CA10: variants seen among roughly 807,000 people sequenced by gnomAD.
CA10 encodes carbonic anhydrase-related protein 10.
CA10 carries 14 observed loss-of-function variants against 44.2 expected under a neutral mutation model. The ratio of observed to expected loss-of-function variants is 0.32; its 90% CI spans 0.21 to 0.50. The LOEUF is 0.50. CA10 is among the 20% of genes least tolerant of loss of function. The pLI is 0.99. For missense variants in CA10, 350 were observed against 409.7 expected (o/e 0.85, Z 1.26); for synonymous variants, 159 against 141.6 (o/e 1.12, Z -0.87).
intron 3 of CA10, among the ~76,000 whole-genome samples, chr17:51,787,518 C>T (rs956042368): frequency 4.6e-5 from 7 of 151,200 alleles, no homozygotes; most frequent in African/African-American, 1.7e-4. Context: ...TTGAGACACC[C>T]TCCTCTCTGT....
chr17:51,826,222 A>C (rs975628483), intron 3 of CA10, among the ~76,000 whole-genome samples: 1 of 152,202 alleles, frequency 6.6e-6, no homozygotes. Flanking sequence ...TGGAAAGTGA[A>C]GCAGCAAGTG....
At chr17:51,975,430 G>A (rs1223451221) in intron 2 of CA10, among the ~76,000 whole-genome samples, 1 of 152,186 alleles carries the variant, frequency 6.6e-6, no homozygotes, top group Admixed American at 6.5e-5. Context: ...TGTAATCCCA[G>A]CACTTTGGGA....
At chr17:51,686,355 C>T (rs1298987802) in intron 4 of CA10, among the ~76,000 whole-genome samples, 3 of 152,120 alleles carry the variant, frequency 2.0e-5, no homozygotes, top group Admixed American at 2.0e-4. Context: ...TACAGGTGCC[C>T]TAGGACTTGG....
intron 3 of CA10, among the ~76,000 whole-genome samples, chr17:51,812,644 A>G (rs1166633770): frequency 1.3e-5 from 2 of 152,246 alleles, no homozygotes; most frequent in Admixed American, 1.3e-4. Context: ...GGAGAAGGAA[A>G]TTAATTATCT....
chr17:51,632,045 T>C (rs1912604258), intron 8 of CA10, among the ~76,000 whole-genome samples: 1 of 152,198 alleles, frequency 6.6e-6, no homozygotes, highest in Non-Finnish European at 1.5e-5. Flanking sequence ...ACAGATCTAA[T>C]CCAGCACAAT....
At chr17:51,987,318 C>T (rs1412810293) in intron 2 of CA10, among the ~76,000 whole-genome samples, 15 of 151,922 alleles carry the variant, frequency 9.9e-5, no homozygotes, top group Admixed American at 7.2e-4. Context: ...TCAGTGGGAG[C>T]TAAGCTATGA....
intron 3 of CA10, among the ~76,000 whole-genome samples, chr17:51,871,901 A>C (rs1186873198): frequency 6.6e-6 from 1 of 152,180 alleles, no homozygotes; most frequent in Non-Finnish European, 1.5e-5. Flanking sequence ...GTAGGCAACT[A>C]ATGCAAATGC....
At chr17:52,114,965 G>A (rs7213446) in intron 1 of CA10, among the ~76,000 whole-genome samples, 74,154 of 152,008 alleles carry the variant, frequency 0.49, 20,223 homozygotes, top group African/African-American at 0.75. Context: ...TATGCAGGAG[G>A]CAGATAAGGA....
chr17:51,686,960 A>G (rs1359277115), intron 4 of CA10, among the ~76,000 whole-genome samples: 1 of 152,126 alleles, frequency 6.6e-6, no homozygotes, highest in Non-Finnish European at 1.5e-5. Flanking sequence ...GTTTTAATTA[A>G]TCTGCTTACT....
intron 2 of CA10, among the ~76,000 whole-genome samples, chr17:51,947,371 C>G (rs150823230): frequency 6.6e-6 from 1 of 152,084 alleles, no homozygotes; most frequent in East Asian, 1.9e-4. Context: ...GTTCACATAC[C>G]TGAGGTTTGT....
At chr17:52,031,844 A>G (rs75331976) in intron 2 of CA10, among the ~76,000 whole-genome samples, 7,181 of 152,286 alleles carry the variant, frequency 0.047, 224 homozygotes, top group Non-Finnish European at 0.068. Context: ...ACAGTTGATA[A>G]AAATTAGAAA....
At chr17:51,682,740 C>A (rs1346152073) in intron 4 of CA10, among the ~76,000 whole-genome samples, 1 of 152,158 alleles carries the variant, frequency 6.6e-6, no homozygotes, top group Non-Finnish European at 1.5e-5. Context: ...TGTCTCCTTA[C>A]CATTAATAAC....
intron 2 of CA10, among the ~76,000 whole-genome samples, chr17:52,047,207 A>C (rs1986936416): frequency 6.6e-6 from 1 of 152,000 alleles, no homozygotes; most frequent in Admixed American, 6.6e-5. Context: ...AAGGGAAAGA[A>C]ATGCTACAAA....
At position 51,931,056 on chromosome 17, in the gene CA10, T is replaced by C. The variant is rs1272833551; in HGVS notation, c.213A>G (p.Ile71Met). Residue 71 changes from isoleucine (I) to methionine (M), a missense_variant, in exon 3 of 9, where the codon ATA becomes ATG. Coordinates refer to ENST00000451037, the MANE Select transcript of CA10 (RefSeq NM_020178.5). ...SVGKRQSPVN[I>M]ETSHMIFDPF... is the part of the protein sequence containing the mutation. Reference sequence around the variant, plus strand: ...GGTCGAAGATCATGTGACTGGTCTCTATGTTGACTGGCGACTGCCGTTTCC... The same window carrying C: ...GGTCGAAGATCATGTGACTGGTCTCCATGTTGACTGGCGACTGCCGTTTCC... 1 of 1,613,706 alleles carries C rather than the reference T, an allele frequency of 6.2e-7. No individual in the cohort carries two copies. The highest frequency in any genetic ancestry group is 1.1e-5 in the South Asian group (1 of 91,054).
intron 1 of CA10, among the ~76,000 whole-genome samples, chr17:52,146,622 G>A (rs1285735230): frequency 2.6e-5 from 4 of 151,534 alleles, no homozygotes; most frequent in East Asian, 1.9e-4. Flanking sequence ...CCCAGGAGGC[G>A]GAGCTTGCAG....
intron 3 of CA10, among the ~76,000 whole-genome samples, chr17:51,888,318 G>T (rs1185222540): frequency 1.3e-5 from 2 of 152,096 alleles, no homozygotes; most frequent in East Asian, 1.9e-4. Context: ...GACAAAATAA[G>T]CTACTTTCAA....
chr17:52,099,966 T>C (rs905149419), intron 1 of CA10, among the ~76,000 whole-genome samples: 11 of 152,030 alleles, frequency 7.2e-5, no homozygotes, highest in Non-Finnish European at 8.8e-5. Flanking sequence ...GTGGCCCTAG[T>C]GGAGTGGTGG....
rs966498573 is a variant in CA10, at chr17:51,644,478, C to T, written c.634+4704G>A. On this transcript the variant is annotated intron_variant, in intron 6 of 8. Transcript: ENST00000451037. ...ATTCTTACTCTCAGGATTTCACCAA[C>T]GTTTAAACGCCATCTGGATGCCAAC... Among the ~76,000 whole-genome samples the T allele has an allele frequency of 7.2e-5, 11 of 152,298 alleles. No individual in the cohort carries two copies. In the South Asian group the frequency reaches 8.3e-4, roughly 11 times the overall value.
At chr17:51,718,060 T>G (rs964876433) in intron 4 of CA10, among the ~76,000 whole-genome samples, 1 of 146,318 alleles carries the variant, frequency 6.8e-6, no homozygotes, top group African/African-American at 2.5e-5. Context: ...CTTTGGGGAC[T>G]TGGGGGGAAG....
Sources: gnomAD v4.1 joint callset for allele counts (sites outside exome capture counted in the v4.1 genomes callset) on GRCh38, gnomAD v4.1.1 for gene constraint, MANE v1.5 for transcripts, NCBI Gene and HGNC (gene_info 2026-07-23, HGNC 2026-07-21) for gene names.